UGT2A3: variants seen among roughly 807,000 people sequenced by gnomAD.
UGT2A3 encodes UDP-glucuronosyltransferase 2A3.
UGT2A3 carries 55 observed loss-of-function variants against 44.1 expected under a neutral mutation model. That is an observed-to-expected ratio of 1.25 (90% CI 1.00 to 1.56). UGT2A3 has a LOEUF of 1.56. Ranked by LOEUF, UGT2A3 falls within the 40% of genes most tolerant of loss-of-function variation. The probability of loss-of-function intolerance (pLI) is 0.00; values close to 1 mark genes in which losing one functional copy is unlikely to be tolerated. For synonymous variants in UGT2A3, 243 were observed against 215.1 expected, an observed-to-expected ratio of 1.13 and a Z score of -1.13; for missense variants, 733 against 621.6, an observed-to-expected ratio of 1.18 and a Z score of -1.91.
intron 3 of UGT2A3, 32 bp from the exon 4 acceptor site, chr4:68,931,274 G>A (rs774205446): frequency 4.6e-6 from 7 of 1,512,428 alleles, no homozygotes; most frequent in South Asian, 2.3e-5. Context: ...TTCACAGAGT[G>A]AACCACAGGA....
At position 68,928,562 on chromosome 4, in the gene UGT2A3, T is replaced by A. The variant is rs1178565994; in HGVS notation, c.*1251A>T. ...ATCATCATTTTAAAATTGAAATTAA[T>A]TTGTAGATATACCTAATCAACATCT... On this transcript the variant is annotated 3_prime_UTR_variant, in exon 6 of 6. Coordinates refer to ENST00000251566, the MANE Select transcript of UGT2A3 (RefSeq NM_024743.4). The A allele has an allele frequency of 6.6e-6, 1 of 152,020 alleles. No individual in the cohort carries two copies. The highest frequency in any genetic ancestry group is 2.4e-5 in the African/African-American group (1 of 41,436). The allele number at this position is 152,020 out of a possible 1,614,324, so 9.4% of individuals were successfully genotyped here.
intron 1 of UGT2A3, among the ~76,000 whole-genome samples, chr4:68,947,238 G>C (rs1718413560): frequency 6.6e-6 from 1 of 151,670 alleles, no homozygotes; most frequent in African/African-American, 2.4e-5. Flanking sequence ...AATATTCTAA[G>C]TCATTTGTAG....
intron 2 of UGT2A3, among the ~76,000 whole-genome samples, chr4:68,936,888 CA>C (rs56737078): frequency 0.019 from 884 of 46,294 alleles, 7 homozygotes; most frequent in East Asian, 0.073. Context: ...AAATGGAAAG[CA>C]AAAAAAAAAA....
At chr4:68,930,514 T>C (rs1351195910) in intron 5 of UGT2A3, 32 bp downstream of exon 5, 1 of 1,552,020 alleles carries the variant, frequency 6.4e-7, no homozygotes, top group Non-Finnish European at 8.7e-7. Flanking sequence ...ATAGTCAATG[T>C]TAGATCAGTC....
At chr4:68,944,310 A>C (rs1454528711) in intron 2 of UGT2A3, among the ~76,000 whole-genome samples, 1 of 151,798 alleles carries the variant, frequency 6.6e-6, no homozygotes, top group African/African-American at 2.4e-5. Context: ...CTTAGGCATT[A>C]GGCTGTTCAT....
At chr4:68,937,104 A>G (rs1490116813) in intron 2 of UGT2A3, among the ~76,000 whole-genome samples, 1 of 152,048 alleles carries the variant, frequency 6.6e-6, no homozygotes, top group Non-Finnish European at 1.5e-5. Flanking sequence ...AAAGAGACAT[A>G]CAATAATAAT....
At chr4:68,931,310 T>C in intron 3 of UGT2A3, 68 bp from the exon 4 acceptor site, 2 of 1,288,028 alleles carry the variant, frequency 1.6e-6, no homozygotes, top group East Asian at 2.4e-5. Context: ...GATGTAGATA[T>C]AGTTATAAAT....
At chr4:68,945,217 T>C (rs772759110) in intron 2 of UGT2A3, 89 bp downstream of exon 2, 215 of 1,486,734 alleles carry the variant, frequency 1.4e-4, no homozygotes, top group Non-Finnish European at 1.9e-4. Flanking sequence ...ACATTCAACA[T>C]CATCCTTCTA....
intron 3 of UGT2A3, among the ~76,000 whole-genome samples, 176 bp downstream of exon 3, chr4:68,932,452 C>T (rs192165580): frequency 6.3e-4 from 96 of 151,832 alleles, no homozygotes; most frequent in African/African-American, 2.2e-3. Flanking sequence ...AAGTTGTTTC[C>T]AGTAACAGCA....
chr4:68,930,537 A>T lies in UGT2A3; in HGVS notation c.1304+9T>A, dbSNP rs777732366. On this transcript the variant is annotated intron_variant, in intron 5 of 5. Coordinates refer to ENST00000251566, the MANE Select transcript of UGT2A3 (RefSeq NM_024743.4). Reference sequence around the variant, plus strand: ...TGTTAGATCAGTCTGTACAAGCAGTAGTACTTACGAGGAATCGGTAATGAC... The same window carrying T: ...TGTTAGATCAGTCTGTACAAGCAGTTGTACTTACGAGGAATCGGTAATGAC... 2.5e-6 allele frequency: 4 copies of T among 1,599,076 alleles called. No individual in the cohort carries two copies. The highest frequency in any genetic ancestry group is 2.6e-6 in the Non-Finnish European group (3 of 1,171,738).
In UGT2A3 at chr4:68,945,374, G is replaced by T; in HGVS notation, c.796C>A (p.Gln266Lys). The T allele has an allele frequency of 1.9e-6, 3 of 1,611,476 alleles. No homozygotes were observed. The highest frequency in any genetic ancestry group is 2.5e-6 in the Non-Finnish European group (3 of 1,178,514). The change falls in exon 2 of 6, where the codon CAA becomes AAA. Residue 266 changes from glutamine to lysine, a missense_variant. Gln to Lys is a moderately conservative substitution (Grantham distance 53). Coordinates refer to ENST00000251566, the MANE Select transcript of UGT2A3 (RefSeq NM_024743.4). ...AACTCAAAGTTAGGTTGGTATGGTT[G>T]AGGAAATTCAAAATCCCAATATGTT... ...IRTYWDFEFP[Q>K]PYQPNFEFVG...
In UGT2A3 at chr4:68,930,618, A is replaced by C. The variant is rs569155395; in HGVS notation, c.1232T>G (p.Val411Gly). 6.2e-7 allele frequency: 1 copy of C among 1,613,434 alleles called. No homozygotes were observed. Among genetic ancestry groups the C allele is most frequent in the African/African-American group, 1.3e-5 (1 of 74,886 alleles). The change falls in exon 5 of 6, where the codon GTA becomes GGA. Residue 411 changes from valine (V) to glycine (G), a missense_variant. Val to Gly is a moderately radical substitution (Grantham distance 109, BLOSUM62 -3). Coordinates refer to ENST00000251566, the MANE Select transcript of UGT2A3 (RefSeq NM_024743.4). ...IAHMKAKGAA[V>G]EINFKTMTSE... Reference sequence around the variant, plus strand: ...TGTCATAGTTTTGAAGTTTATTTCTACAGCTGCTCCTTTGGCCTTCATGTG... The same window carrying C: ...TGTCATAGTTTTGAAGTTTATTTCTCCAGCTGCTCCTTTGGCCTTCATGTG...
At chr4:68,951,006 T>C in intron 1 of UGT2A3, 40 bp downstream of exon 1, 2 of 1,373,458 alleles carry the variant, frequency 1.5e-6, no homozygotes, top group Non-Finnish European at 2.0e-6. Context: ...AAAATATTTC[T>C]TTTGATAACT....
chr4:68,938,894 C>G (rs2109785760), intron 2 of UGT2A3, among the ~76,000 whole-genome samples: 1 of 152,086 alleles, frequency 6.6e-6, no homozygotes, highest in East Asian at 1.9e-4. Context: ...CACAAGCATT[C>G]CTATATAACA....
intron 1 of UGT2A3, among the ~76,000 whole-genome samples, chr4:68,949,307 G>C (rs534335584): frequency 6.6e-6 from 1 of 151,962 alleles, no homozygotes; most frequent in East Asian, 2.0e-4. Flanking sequence ...ACATTTAGAA[G>C]TCATTGTATG....
rs1463625257 is a variant in UGT2A3 at position 68,929,253 on chromosome 4, T to C, written c.*560A>G. ...GGCCATGACATCTAGATGAGGTCTA[T>C]GGAAATACAGCAAACTTTTCTAAGC... On this transcript the variant is annotated 3_prime_UTR_variant, in exon 6 of 6. Coordinates refer to ENST00000251566, the MANE Select transcript of UGT2A3 (RefSeq NM_024743.4). 2 of 152,194 alleles carry C rather than the reference T, an allele frequency of 1.3e-5. No individual in the cohort carries two copies. Among genetic ancestry groups the C allele is most frequent in the Non-Finnish European group, 2.9e-5 (2 of 68,022 alleles). 9.4% of individuals were successfully genotyped at this position (152,194 alleles called of 1,614,324 possible). A position where few individuals can be genotyped will look rare whatever the true frequency, so the allele number is the denominator to read the frequency against.
At chr4:68,939,408 A>ATG (rs1198303203) in intron 2 of UGT2A3, among the ~76,000 whole-genome samples, 1 of 152,176 alleles carries the variant, frequency 6.6e-6, no homozygotes, top group Non-Finnish European at 1.5e-5. Flanking sequence ...ATCTCTAACC[A>ATG]TGTGATCTTT....
chr4:68,932,633 G>A lies in UGT2A3; in HGVS notation c.991C>T (p.Gln331Ter). ...IIASALAQIP[Q>*]KVLWRYKGKK... ...GGATTGGAGGTTTTACTGACCTTCT[G>A]TGGGATCTGGGCAAGGGCTGAAGCA... The change falls in exon 3 of 6, where the codon CAG becomes TAG. Residue 331 changes from glutamine to a stop codon, truncating the protein, a stop_gained. Transcript: ENST00000251566. LOFTEE classifies it high-confidence loss of function. 6.2e-7 allele frequency: 1 copy of A among 1,607,148 alleles called. No homozygotes were observed. The highest frequency in any genetic ancestry group is 8.5e-7 in the Non-Finnish European group (1 of 1,177,080).
At chr4:68,935,085 T>A (rs895095893) in intron 2 of UGT2A3, among the ~76,000 whole-genome samples, 1 of 151,410 alleles carries the variant, frequency 6.6e-6, no homozygotes, top group Non-Finnish European at 1.5e-5. Context: ...TAAAGTCTCA[T>A]TAAAAAAGCC....
Sources: gnomAD v4.1 joint callset for allele counts (sites outside exome capture counted in the v4.1 genomes callset) on GRCh38, gnomAD v4.1.1 for gene constraint, MANE v1.5 for transcripts, NCBI Gene and HGNC (gene_info 2026-07-23, HGNC 2026-07-21) for gene names.